The following DOCK10 variants were observed in gnomAD, a reference collection of about 807,000 sequenced individuals.
DOCK10 encodes dedicator of cytokinesis 10.
A neutral mutation model predicts 280.1 loss-of-function variants in DOCK10; 145 were observed. That is an observed-to-expected ratio of 0.52 (90% CI 0.45 to 0.59). The LOEUF is 0.59. DOCK10 is among the 20% of genes least tolerant of loss of function. The pLI is 0.00. For missense variants in DOCK10, 2,368 were observed against 2,651.7 expected, an observed-to-expected ratio of 0.89 and a Z score of 2.35; for synonymous variants, 915 against 942.2, an observed-to-expected ratio of 0.97 and a Z score of 0.53.
chr2:224,863,444 T>A (rs986774326), intron 13 of DOCK10, among the ~76,000 whole-genome samples: 4 of 152,112 alleles, frequency 2.6e-5, no homozygotes, highest in Non-Finnish European at 5.9e-5. Context: ...ACTTTTAATA[T>A]TTCTTTTCTT....
At chr2:224,977,727 G>T (rs1361796255) in intron 1 of DOCK10, among the ~76,000 whole-genome samples, 1 of 152,116 alleles carries the variant, frequency 6.6e-6, no homozygotes, top group African/African-American at 2.4e-5. Flanking sequence ...TCAGATGTCA[G>T]GATTCATGTG....
rs375818888 is a variant in DOCK10, at chr2:224,805,423, C to T, written c.3921G>A (p.Thr1307=). 1.1e-4 allele frequency: 183 copies of T among 1,612,598 alleles called. No individual in the cohort carries two copies. Among genetic ancestry groups the T allele is most frequent in the Non-Finnish European group, 1.5e-4 (172 of 1,179,146 alleles). The change falls in exon 35 of 56, where the codon ACG becomes ACA. Residue 1307 remains threonine, a synonymous_variant. Transcript: ENST00000258390. This position sits in a 1 kb window ranked among gnomAD's most constrained non-coding sequence, Gnocchi z 4.3. ...GAAGTCATACCTTTTCACAGTTGTCCGTCTTCTCACTGCTCTTCTCATTGG... is the reference window on the plus strand; with the variant it reads ...GAAGTCATACCTTTTCACAGTTGTCTGTCTTCTCACTGCTCTTCTCATTGG... ...PSTNEKSSEK[T]DNCEKIPRPL...
intron 1 of DOCK10, among the ~76,000 whole-genome samples, chr2:225,025,215 G>GA (rs1414091771): frequency 6.6e-6 from 1 of 152,172 alleles, no homozygotes; most frequent in Non-Finnish European, 1.5e-5. Context: ...TAAGAATCGT[G>GA]AAGGAGTCCT....
chr2:224,893,521 T>C (rs1559683701), intron 4 of DOCK10: 1 of 266,356 alleles, frequency 3.8e-6, no homozygotes, highest in Non-Finnish European at 7.9e-6. Context: ...TGGCATCATA[T>C]ATTTTTATGC....
At chr2:224,793,164 C>A (rs1450876973) in intron 46 of DOCK10, 92 bp from the exon 47 acceptor site, 5 of 1,028,124 alleles carry the variant, frequency 4.9e-6, no homozygotes, top group Non-Finnish European at 7.3e-6. Flanking sequence ...ATGATGCATT[C>A]TCGTTTTGAA....
intron 2 of DOCK10, among the ~76,000 whole-genome samples, chr2:224,928,377 C>A (rs1374501321): frequency 6.6e-6 from 1 of 152,184 alleles, no homozygotes; most frequent in Non-Finnish European, 1.5e-5. Flanking sequence ...GGAATGGTGT[C>A]CGTGTTCAAT....
intron 4 of DOCK10, among the ~76,000 whole-genome samples, chr2:224,888,613 ATG>A (rs1221487990): frequency 2.0e-5 from 3 of 151,640 alleles, no homozygotes; most frequent in African/African-American, 7.3e-5. Context: ...TTGTATGTAT[ATG>A]TGTGTGAATA....
chr2:224,830,952 T>TTTATTTATTTATTTATTTATTTA (rs1559509293), intron 26 of DOCK10, among the ~76,000 whole-genome samples: 1 of 79,692 alleles, frequency 1.3e-5, no homozygotes, highest in African/African-American at 8.8e-5. Flanking sequence ...TTATTTATTT[T>TTTATTTATTTATTTATTTATTTA]TTGAGACAGT....
intron 47 of DOCK10, 78 bp from the exon 48 acceptor site, chr2:224,789,248 A>T: frequency 1.2e-6 from 1 of 838,248 alleles, no homozygotes; most frequent in Non-Finnish European, 2.0e-6. Context: ...TTTCTTCATG[A>T]TGTTACCAAG....
chr2:224,861,962 T>C (rs2125608576), intron 14 of DOCK10: 1 of 152,364 alleles, frequency 6.6e-6, no homozygotes, highest in South Asian at 2.1e-4. Flanking sequence ...TATGAGTCTA[T>C]GCCAGGCTCT....
At chr2:224,952,595 T>G (rs13395896) in intron 1 of DOCK10, among the ~76,000 whole-genome samples, 1 of 110,970 alleles carries the variant, frequency 9.0e-6, no homozygotes, top group Non-Finnish European at 1.9e-5. Context: ...TTATGTTATT[T>G]TTTTTTTTTT....
At chr2:224,819,634 A>C in intron 28 of DOCK10, 105 bp from the exon 29 acceptor site, 5 of 686,096 alleles carry the variant, frequency 7.3e-6, no homozygotes, top group African/African-American at 1.9e-5. Flanking sequence ...ACTAAACTAA[A>C]TGTGTTGTAT....
At chr2:224,808,209 G>A in intron 31 of DOCK10, 123 bp from the exon 32 acceptor site, 2 of 866,124 alleles carry the variant, frequency 2.3e-6, no homozygotes, top group Non-Finnish European at 3.5e-6. Context: ...CAGGAATACA[G>A]TCTTGCTACA....
intron 3 of DOCK10, among the ~76,000 whole-genome samples, chr2:224,906,773 C>A (rs1458815437): frequency 6.6e-6 from 1 of 152,188 alleles, no homozygotes; most frequent in Admixed American, 6.5e-5. Context: ...GTCACCGCAC[C>A]CGGCCTTGTT....
chr2:224,800,960 A>G (rs1434514357), intron 40 of DOCK10, among the ~76,000 whole-genome samples: 1 of 152,138 alleles, frequency 6.6e-6, no homozygotes, highest in Non-Finnish European at 1.5e-5. Context: ...CTTCCAGGTT[A>G]TAGGTGTATT....
At chr2:224,804,710 T>C (rs1693267313) in intron 38 of DOCK10, 84 bp downstream of exon 38, 1 of 903,146 alleles carries the variant, frequency 1.1e-6, no homozygotes, top group Non-Finnish European at 1.7e-6. Context: ...CTAATATATA[T>C]TTGTAACTCT....
At chr2:224,888,547 GTA>G (rs1193355923) in intron 4 of DOCK10, among the ~76,000 whole-genome samples, 2 of 151,814 alleles carry the variant, frequency 1.3e-5, no homozygotes, top group East Asian at 3.9e-4. Context: ...AGGTTTCAAT[GTA>G]TATGTGTGTT....
intron 27 of DOCK10, 38 bp downstream of exon 27, chr2:224,830,503 G>T: frequency 9.0e-7 from 1 of 1,112,154 alleles, no homozygotes; most frequent in African/African-American, 1.6e-5. Context: ...GGATAATATT[G>T]TAAAAATATT....
intron 1 of DOCK10, among the ~76,000 whole-genome samples, chr2:225,011,917 T>A: frequency 6.6e-6 from 1 of 152,144 alleles, no homozygotes; most frequent in East Asian, 1.9e-4. Context: ...GCAAGCTCAA[T>A]GCACATACGC....
Sources: gnomAD v4.1 joint callset for allele counts (sites outside exome capture counted in the v4.1 genomes callset) on GRCh38, gnomAD v4.1.1 for gene constraint, Gnocchi (gnomAD v3.1) non-coding constraint, MANE v1.5 for transcripts, NCBI Gene and HGNC (gene_info 2026-07-23, HGNC 2026-07-21) for gene names.